EXOC4: variants seen among roughly 807,000 people sequenced by gnomAD.
EXOC4 encodes exocyst complex component 4.
In EXOC4, 71 loss-of-function variants were observed where a neutral mutation model predicts 107.2. The ratio of observed to expected loss-of-function variants is 0.66; its 90% CI spans 0.55 to 0.81. The LOEUF is 0.81. EXOC4 is among the 30% of genes least tolerant of loss of function. EXOC4 has a pLI of 0.00. For synonymous variants in EXOC4, 456 were observed against 441.2 expected, an observed-to-expected ratio of 1.03 and a Z score of -0.42; for missense variants, 1,108 against 1,189.6, an observed-to-expected ratio of 0.93 and a Z score of 1.01.
At chr7:133,900,346 G>A (rs992068955) in intron 12 of EXOC4, among the ~76,000 whole-genome samples, 4 of 152,170 alleles carry the variant, frequency 2.6e-5, no homozygotes, top group Non-Finnish European at 4.4e-5. Flanking sequence ...TTACGAAGGA[G>A]GACAGGGAAG....
chr7:134,005,808 TAAG>T (rs1043619329), intron 16 of EXOC4, among the ~76,000 whole-genome samples: 1 of 152,214 alleles, frequency 6.6e-6, no homozygotes, highest in Non-Finnish European at 1.5e-5. Flanking sequence ...TTAAAACAAC[TAAG>T]AAGGTACATT....
intron 12 of EXOC4, among the ~76,000 whole-genome samples, chr7:133,898,571 C>G (rs1799374963): frequency 6.6e-6 from 1 of 151,888 alleles, no homozygotes; most frequent in Non-Finnish European, 1.5e-5. Context: ...CGGTGAAACC[C>G]CGTCTCTACT....
At position 133,895,817 on chromosome 7, in the gene EXOC4, A is replaced by G. The variant is rs145191140; in HGVS notation, c.1871+82A>G. On this transcript the variant is annotated intron_variant, in intron 12 of 17. Coordinates refer to ENST00000253861, the MANE Select transcript of EXOC4 (RefSeq NM_021807.4). ...ATTGGTGAAATTGCTTCAATAGCCT[A>G]ATTTCCAAAAGGATCATCTCTGAGT... 2,103 of 1,448,668 alleles carry G rather than the reference A, an allele frequency of 1.5e-3. 25 individuals are homozygous for G. In the African/African-American group the frequency reaches 0.027, roughly 19 times the overall value. The allele number at this position is 1,448,668 out of a possible 1,614,324, so 89.7% of individuals were successfully genotyped here. A position where few individuals can be genotyped will look rare whatever the true frequency, so the allele number is the denominator to read the frequency against.
rs913316749 is a variant in EXOC4 at position 133,950,044 on chromosome 7, T to C, written c.2206+11975T>C. 3.9e-5 allele frequency among the ~76,000 whole-genome samples: 6 copies of C among 152,224 alleles called. 1 individual carries two copies. Among genetic ancestry groups the C allele is most frequent in the African/African-American group, 1.4e-4 (6 of 41,462 alleles). ...TTTTCCAATACATGTGTATGTATTC[T>C]CTATCTCTTTGGAACTCCCCATTCT... On this transcript the variant is annotated intron_variant, in intron 14 of 17. Transcript: ENST00000253861.
chr7:133,266,209 T>A (rs1793727991), intron 1 of EXOC4, among the ~76,000 whole-genome samples: 1 of 152,222 alleles, frequency 6.6e-6, no homozygotes, highest in African/African-American at 2.4e-5. Context: ...TGTGTAAATG[T>A]GTGGAGAGGG....
In EXOC4 at chr7:133,975,125, C is replaced by T. The variant is rs539455616; in HGVS notation, c.2207-22367C>T. On this transcript the variant is annotated intron_variant, in intron 14 of 17. Transcript: ENST00000253861. Reference sequence around the variant, plus strand: ...GTGTGGGAAATATTTTGTGGAAATTCACCTCTCTGAGAAGTTAGAAAAAAT... The same window carrying T: ...GTGTGGGAAATATTTTGTGGAAATTTACCTCTCTGAGAAGTTAGAAAAAAT... Among the ~76,000 whole-genome samples the T allele has an allele frequency of 7.6e-4, 116 of 151,896 alleles. 1 individual carries two copies. Among genetic ancestry groups the T allele is most frequent in the Middle Eastern group, 6.8e-3 (2 of 294 alleles).
chr7:133,862,563 TTGAC>T (rs1193792807), intron 11 of EXOC4, among the ~76,000 whole-genome samples: 2 of 152,142 alleles, frequency 1.3e-5, no homozygotes, highest in Non-Finnish European at 2.9e-5. Flanking sequence ...GATTGATTGA[TTGAC>T]TGACTAAAGT....
intron 14 of EXOC4, among the ~76,000 whole-genome samples, chr7:133,973,560 G>T (rs769463068): frequency 6.6e-6 from 1 of 152,112 alleles, no homozygotes; most frequent in Non-Finnish European, 1.5e-5. Flanking sequence ...AAGCTAGAGA[G>T]GTAGGCAAGG....
chr7:133,568,115 C>G (rs1302969495), intron 9 of EXOC4, among the ~76,000 whole-genome samples: 1 of 152,182 alleles, frequency 6.6e-6, no homozygotes, highest in African/African-American at 2.4e-5. Context: ...ATTTATATTT[C>G]TCTTGTGAGA....
chr7:134,037,710 T>TCTAC (rs1342802430), intron 17 of EXOC4, among the ~76,000 whole-genome samples: 1 of 152,202 alleles, frequency 6.6e-6, no homozygotes, highest in Non-Finnish European at 1.5e-5. Flanking sequence ...AGTGTCATCT[T>TCTAC]TCCAGTTCCT....
At chr7:133,449,543 A>G (rs1394750525) in intron 7 of EXOC4, among the ~76,000 whole-genome samples, 1 of 152,168 alleles carries the variant, frequency 6.6e-6, no homozygotes, top group Non-Finnish European at 1.5e-5. Context: ...ATTGCTCCTT[A>G]GTCTTCTCAC....
intron 14 of EXOC4, among the ~76,000 whole-genome samples, chr7:133,986,819 G>A (rs140995272): frequency 6.6e-6 from 1 of 152,136 alleles, no homozygotes; most frequent in Non-Finnish European, 1.5e-5. Flanking sequence ...GAATTAGCTG[G>A]CATTAAAGCT....
chr7:133,272,234 G>A (rs1793889435), intron 1 of EXOC4, among the ~76,000 whole-genome samples: 1 of 152,126 alleles, frequency 6.6e-6, no homozygotes, highest in Non-Finnish European at 1.5e-5. Flanking sequence ...TCAGTAGGGT[G>A]GAGCCACAAT....
intron 10 of EXOC4, among the ~76,000 whole-genome samples, chr7:133,808,396 G>A (rs1461041358): frequency 6.6e-6 from 1 of 152,110 alleles, no homozygotes; most frequent in African/African-American, 2.4e-5. Flanking sequence ...GTTTCTGAAT[G>A]AGTCCCTTGT....
At chr7:133,791,236 A>G (rs2151184716) in intron 10 of EXOC4, among the ~76,000 whole-genome samples, 1 of 152,336 alleles carries the variant, frequency 6.6e-6, no homozygotes, top group East Asian at 1.9e-4. Flanking sequence ...GAAATTGGTG[A>G]TAGGGTTTAC....
Position 133,659,410 on chromosome 7 carries a change from A to T in EXOC4, c.1514+29269A>T, listed in dbSNP as rs139371316. Among the ~76,000 whole-genome samples the T allele has an allele frequency of 1.9e-3, 288 of 152,292 alleles. 1 individual carries two copies. The highest frequency in any genetic ancestry group is 6.7e-3 in the African/African-American group (278 of 41,562). ...TTCACTGAGCAAATATATACTAAGGATGCTCTAAGGGCCTTGTCCCATGCC... is the reference window on the plus strand; with the variant it reads ...TTCACTGAGCAAATATATACTAAGGTTGCTCTAAGGGCCTTGTCCCATGCC... On this transcript the variant is annotated intron_variant, in intron 10 of 17. Coordinates refer to ENST00000253861, the MANE Select transcript of EXOC4 (RefSeq NM_021807.4).
At chr7:133,265,419 A>AT (rs150985199) in intron 1 of EXOC4, among the ~76,000 whole-genome samples, 2,135 of 151,192 alleles carry the variant, frequency 0.014, 35 homozygotes, top group African/African-American at 0.038. Flanking sequence ...AAAAAAAAAA[A>AT]TTCACTGGAA....
intron 11 of EXOC4, among the ~76,000 whole-genome samples, chr7:133,874,947 T>A (rs991943967): frequency 2.0e-5 from 3 of 152,222 alleles, no homozygotes; most frequent in South Asian, 2.1e-4. Context: ...ATGTAATCTT[T>A]AAAAGGACAA....
chr7:133,321,702 TA>T (rs1308501779), intron 5 of EXOC4, among the ~76,000 whole-genome samples: 2 of 152,264 alleles, frequency 1.3e-5, no homozygotes, highest in Non-Finnish European at 2.9e-5. Flanking sequence ...GCATGTGCTT[TA>T]TAGTAAAACG....
Sources: allele counts gnomAD v4.1 joint callset (sites outside exome capture counted in the v4.1 genomes callset), GRCh38; gene constraint gnomAD v4.1.1; transcripts MANE v1.5; gene names NCBI Gene and HGNC (gene_info 2026-07-23, HGNC 2026-07-21).